The following MSRA variants were observed in gnomAD, a reference collection of about 807,000 sequenced individuals.
The protein encoded by MSRA is mitochondrial peptide methionine sulfoxide reductase.
MSRA carries 54 observed loss-of-function variants against 31.3 expected under a neutral mutation model. The observed-to-expected ratio is 1.73, with a 90% confidence interval of 1.39 to 2.17. The LOEUF is 2.17. MSRA is among the 30% of genes most tolerant of loss of function. The probability of loss-of-function intolerance (pLI) is 0.00; values close to 1 mark genes in which losing one functional copy is unlikely to be tolerated. For missense variants in MSRA, 507 were observed against 300.9 expected, an observed-to-expected ratio of 1.69 and a Z score of -5.07; for synonymous variants, 169 against 116.5, an observed-to-expected ratio of 1.45 and a Z score of -2.90.
chr8:10,113,829 TTC>T (rs1310304439), intron 1 of MSRA, among the ~76,000 whole-genome samples: 1 of 151,934 alleles, frequency 6.6e-6, no homozygotes, highest in Admixed American at 6.6e-5. Flanking sequence ...TACTGTAGAG[TTC>T]TCCATTTTAT....
intron 4 of MSRA, among the ~76,000 whole-genome samples, chr8:10,309,630 G>C (rs1351481150): frequency 1.3e-5 from 2 of 152,188 alleles, no homozygotes; most frequent in Non-Finnish European, 2.9e-5. Flanking sequence ...CCCCCCGTGG[G>C]CTGCACCGTC....
At chr8:10,325,094 T>C (rs1293829861) in intron 5 of MSRA, among the ~76,000 whole-genome samples, 1 of 152,106 alleles carries the variant, frequency 6.6e-6, no homozygotes, top group East Asian at 1.9e-4. Flanking sequence ...GGATCTAAAG[T>C]GATGCATTAG....
chr8:10,217,615 T>C (rs964228173), intron 2 of MSRA, among the ~76,000 whole-genome samples: 1 of 152,212 alleles, frequency 6.6e-6, no homozygotes, highest in Non-Finnish European at 1.5e-5. Flanking sequence ...GTCTCAGTTA[T>C]GGCTAAATGT....
At chr8:10,141,152 G>A (rs914293695) in intron 1 of MSRA, among the ~76,000 whole-genome samples, 1 of 152,160 alleles carries the variant, frequency 6.6e-6, no homozygotes, top group Non-Finnish European at 1.5e-5. Flanking sequence ...GGCCACCAGC[G>A]TAGACCCTGG....
At chr8:10,281,792 G>A (rs747975133) in intron 3 of MSRA, among the ~76,000 whole-genome samples, 1 of 152,186 alleles carries the variant, frequency 6.6e-6, no homozygotes, top group Non-Finnish European at 1.5e-5. Context: ...TTGTAAAGGG[G>A]CGCTGATCAA....
At chr8:10,405,176 C>T (rs755128411) in intron 5 of MSRA, among the ~76,000 whole-genome samples, 4 of 152,200 alleles carry the variant, frequency 2.6e-5, no homozygotes, top group Non-Finnish European at 2.9e-5. Context: ...TGACCATGTG[C>T]CAGGTCACTG....
chr8:10,158,135 C>G (rs568225030), intron 1 of MSRA, among the ~76,000 whole-genome samples: 14 of 152,156 alleles, frequency 9.2e-5, no homozygotes, highest in Non-Finnish European at 1.9e-4. Flanking sequence ...GGCACTAATC[C>G]CATCCATTAG....
Position 10,263,225 on chromosome 8 carries a change from C to A in MSRA, c.331+18002C>A, listed in dbSNP as rs574143123. Reference sequence around the variant, plus strand: ...TTGCTGTCACCCCCAAACGAAGTTGCCTTGCTGACTTTCCCATTTCTTCCC... The same window carrying A: ...TTGCTGTCACCCCCAAACGAAGTTGACTTGCTGACTTTCCCATTTCTTCCC... On this transcript the variant is annotated intron_variant, in intron 3 of 5. Transcript: ENST00000317173. Among the ~76,000 whole-genome samples, 4 of 152,336 alleles carry A rather than the reference C, an allele frequency of 2.6e-5. No individual in the cohort carries two copies. In the East Asian group the frequency reaches 7.7e-4, roughly 29 times the overall value.
intron 1 of MSRA, among the ~76,000 whole-genome samples, chr8:10,071,622 C>T (rs947460136): frequency 6.6e-6 from 1 of 151,804 alleles, no homozygotes; most frequent in Non-Finnish European, 1.5e-5. Context: ...TTTTTGTTTT[C>T]CTTAAAGTTC....
At chr8:10,316,527 C>CCTCTCTCTCTCTCTCTCT (rs139421344) in intron 4 of MSRA, among the ~76,000 whole-genome samples, 1 of 112,546 alleles carries the variant, frequency 8.9e-6, no homozygotes, top group Non-Finnish European at 1.9e-5. Context: ...TTTGATGATC[C>CCTCTCTCTCTCTCTCTCT]CTCTCTCTCT....
In MSRA at chr8:10,124,732, G is replaced by A. The variant is rs984692405; in HGVS notation, c.142+70074G>A. ...AAATTTTGCAAGAAATCTATTATTC[G>A]AGGATGCAGAGATGATTTTTTTTTG... is the stretch of plus-strand genomic sequence containing the variant. On this transcript the variant is annotated intron_variant, in intron 1 of 5. Transcript: ENST00000317173. 5.3e-5 allele frequency among the ~76,000 whole-genome samples: 8 copies of A among 152,036 alleles called. No individual in the cohort carries two copies. In the South Asian group the frequency reaches 1.5e-3, roughly 28 times the overall value.
At chr8:10,386,642 G>C (rs1171883818) in intron 5 of MSRA, among the ~76,000 whole-genome samples, 1 of 152,078 alleles carries the variant, frequency 6.6e-6, no homozygotes, top group Non-Finnish European at 1.5e-5. Flanking sequence ...GATTCAGCAG[G>C]ACTGCGGTCC....
At chr8:10,205,038 T>C (rs1201748196) in intron 1 of MSRA, among the ~76,000 whole-genome samples, 2 of 152,104 alleles carry the variant, frequency 1.3e-5, no homozygotes, top group Admixed American at 6.5e-5. Context: ...TGAGGGATGC[T>C]AGTGTTCTGA....
chr8:10,362,758 G>T (rs1388765756), intron 5 of MSRA, among the ~76,000 whole-genome samples: 1 of 152,046 alleles, frequency 6.6e-6, no homozygotes, highest in African/African-American at 2.4e-5. Flanking sequence ...TGCTGGTCCT[G>T]ATTTCCTTCC....
chr8:10,184,110 T>C, intron 1 of MSRA, among the ~76,000 whole-genome samples: 1 of 151,366 alleles, frequency 6.6e-6, no homozygotes, highest in Non-Finnish European at 1.5e-5. Context: ...TTGATGGTCT[T>C]GGTGGTGGTG....
intron 1 of MSRA, among the ~76,000 whole-genome samples, chr8:10,061,105 G>T (rs1343217490): frequency 1.3e-5 from 2 of 152,116 alleles, no homozygotes; most frequent in Non-Finnish European, 2.9e-5. Context: ...AAGTCCCTGG[G>T]ATGAGGGTAT....
intron 5 of MSRA, among the ~76,000 whole-genome samples, chr8:10,373,137 C>G (rs1805569611): frequency 6.6e-6 from 1 of 152,238 alleles, no homozygotes; most frequent in Admixed American, 6.5e-5. Flanking sequence ...GTGATCTACC[C>G]TCTTCGGCCT....
intron 3 of MSRA, among the ~76,000 whole-genome samples, chr8:10,301,321 CA>C (rs1321897076): frequency 1.3e-5 from 2 of 152,148 alleles, no homozygotes; most frequent in Admixed American, 6.5e-5. Context: ...GTCATCGCAG[CA>C]AGCTCCCTGG....
rs367978405 is a variant in MSRA at position 10,301,625 on chromosome 8, C to T, written c.423C>T (p.His141=). The T allele has an allele frequency of 5.0e-5, 80 of 1,613,594 alleles. No individual in the cohort carries two copies. Among genetic ancestry groups the T allele is most frequent in the East Asian group, 1.6e-4 (7 of 44,896 alleles). The change falls in exon 4 of 6, where the codon CAC becomes CAT. Residue 141 remains histidine, a synonymous_variant. Coordinates refer to ENST00000317173, the MANE Select transcript of MSRA (RefSeq NM_012331.5). The stretch of plus-strand genomic sequence containing the variant: ...TGCTCAAGGTCTTCTGGGAGAATCA[C>T]GACCCGACCCAAGGTAGAGTGATGA... ...EELLKVFWEN[H]DPTQGMRQGN... is the part of the protein sequence containing the mutation.
Sources: gnomAD v4.1 joint callset for allele counts (sites outside exome capture counted in the v4.1 genomes callset) on GRCh38, gnomAD v4.1.1 for gene constraint, MANE v1.5 for transcripts, NCBI Gene and HGNC (gene_info 2026-07-23, HGNC 2026-07-21) for gene names.